Variants in KCNT1 observed in about 807,000 individuals in gnomAD.
The protein encoded by KCNT1 is potassium channel subfamily T member 1.
Under a neutral mutation model 147.8 loss-of-function variants are expected in KCNT1, and 78 were observed. The ratio of observed to expected loss-of-function variants is 0.53; its 90% CI spans 0.44 to 0.64. KCNT1 has a LOEUF of 0.64. Among genes scored for constraint, KCNT1 ranks in the 30% least tolerant of loss-of-function variants. The probability of loss-of-function intolerance (pLI) is 0.00; values close to 1 mark genes in which losing one functional copy is unlikely to be tolerated. For synonymous variants in KCNT1, 867 were observed against 748.8 expected (o/e 1.16, Z -2.58); for missense variants, 1,419 against 1,750.3 (o/e 0.81, Z 3.38).
At chr9:135,780,281 G>A (rs913620539) in intron 24 of KCNT1, among the ~76,000 whole-genome samples, 16 of 152,200 alleles carry the variant, frequency 1.1e-4, no homozygotes, top group Non-Finnish European at 2.2e-4. Flanking sequence ...CACGAACCCC[G>A]AGCTCACCGG....
intron 11 of KCNT1, among the ~76,000 whole-genome samples, chr9:135,763,285 T>C (rs10115785): frequency 0.54 from 82,529 of 152,124 alleles, 23,068 homozygotes; most frequent in African/African-American, 0.62. Flanking sequence ...ATGGTAAGGG[T>C]GGGCTGCAGT....
Position 135,714,854 on chromosome 9 carries a change from C to A in KCNT1, c.254+134C>A. The stretch of plus-strand genomic sequence containing the variant: ...GGCGCCCTTCAACTTTTCCCGGCTT[C>A]TGGGGACGCAGAAGTTTCGGAGGGG... On this transcript the variant is annotated intron_variant, in intron 2 of 30. Coordinates refer to ENST00000371757, the MANE Select transcript of KCNT1 (RefSeq NM_020822.3). The surrounding 1 kb of genome is among the most constrained non-coding windows in gnomAD (Gnocchi z 6.2). 1 of 567,592 alleles carries A rather than the reference C, an allele frequency of 1.8e-6. No individual in the cohort carries two copies. The allele number at this position is 567,592 out of a possible 1,614,324, so 35.2% of individuals were successfully genotyped here. A position where few individuals can be genotyped will look rare whatever the true frequency, so the allele number is the denominator to read the frequency against.
chr9:135,783,883 GAC>G lies in KCNT1; in HGVS notation c.2842-132_2842-131del, dbSNP rs540571734. On this transcript the variant is annotated intron_variant, in intron 24 of 30. Transcript: ENST00000371757. ...TGCAGACACACACTGTGTACACGTG[GAC>G]ACACACACCATGCACAAATGTGCAC... The G allele has an allele frequency of 6.8e-4, 455 of 667,580 alleles. 12 individuals are homozygous for G. The Admixed American group carries it at 9.1e-3, about 13-fold the overall frequency. 41.4% of individuals were successfully genotyped at this position (667,580 alleles called of 1,614,324 possible). A position where few individuals can be genotyped will look rare whatever the true frequency, so the allele number is the denominator to read the frequency against.
intron 1 of KCNT1, among the ~76,000 whole-genome samples, chr9:135,704,686 C>CA (rs1835175613): frequency 6.6e-6 from 1 of 152,230 alleles, no homozygotes; most frequent in Non-Finnish European, 1.5e-5. Context: ...AGCTGTGCTC[C>CA]AGGGCGGGCC....
chr9:135,711,695 C>T lies in KCNT1; in HGVS notation c.111-2882C>T, dbSNP rs532164795. ...CCGTGCCCAGGTGTGGACTGCCTCGCTCATTCTTGGCCTCTCCAGATGGAT... is the reference window on the plus strand; with the variant it reads ...CCGTGCCCAGGTGTGGACTGCCTCGTTCATTCTTGGCCTCTCCAGATGGAT... On this transcript the variant is annotated intron_variant, in intron 1 of 30. Coordinates refer to ENST00000371757, the MANE Select transcript of KCNT1 (RefSeq NM_020822.3). 4.3e-4 allele frequency among the ~76,000 whole-genome samples: 65 copies of T among 152,344 alleles called. No homozygotes were observed. The East Asian group carries it at 0.012, about 28-fold the overall frequency.
intron 4 of KCNT1, among the ~76,000 whole-genome samples, chr9:135,753,510 C>T (rs1315372542): frequency 1.3e-5 from 2 of 152,298 alleles, no homozygotes; most frequent in Middle Eastern, 3.4e-3. Context: ...GAACACTGTC[C>T]AGCCTTGTTC....
At chr9:135,736,826 G>A in intron 2 of KCNT1, 1 of 356,286 alleles carries the variant, frequency 2.8e-6, no homozygotes, top group Non-Finnish European at 5.0e-6. Context: ...TTGTCAAATC[G>A]CGCTTGCATC....
intron 2 of KCNT1, among the ~76,000 whole-genome samples, chr9:135,724,001 C>G (rs535743145): frequency 6.6e-6 from 1 of 152,346 alleles, no homozygotes; most frequent in African/African-American, 2.4e-5. Flanking sequence ...CCGTCTCTTC[C>G]TCTCCAGGTT....
rs1834693101 is a variant in KCNT1 at position 135,793,614 on chromosome 9, G to A, written c.*1453G>A. On this transcript the variant is annotated 3_prime_UTR_variant, in exon 31 of 31. Coordinates refer to ENST00000371757, the MANE Select transcript of KCNT1 (RefSeq NM_020822.3). ...GAGGCTGAAGGGGAAGGACCAAAAG[G>A]CCGAGGTGCAGCCCCTCCCCGGTGT... 6.6e-6 allele frequency: 1 copy of A among 152,386 alleles called. No individual in the cohort carries two copies. Among genetic ancestry groups the A allele is most frequent in the Non-Finnish European group, 1.5e-5 (1 of 68,162 alleles). 9.4% of individuals were successfully genotyped at this position (152,386 alleles called of 1,614,324 possible). A position where few individuals can be genotyped will look rare whatever the true frequency, so the allele number is the denominator to read the frequency against.
At position 135,792,257 on chromosome 9, in the gene KCNT1, G is replaced by C. The variant is rs1017271873; in HGVS notation, c.*96G>C. On this transcript the variant is annotated 3_prime_UTR_variant, in exon 31 of 31. Transcript: ENST00000371757. ...ACACGGTGGCACTAGCGTGACCCTG[G>C]GGATGGCACACTCTACTCACCATGG... is the stretch of plus-strand genomic sequence containing the variant. 6 of 1,417,632 alleles carry C rather than the reference G, an allele frequency of 4.2e-6. No homozygotes were observed. The highest frequency in any genetic ancestry group is 5.7e-6 in the Non-Finnish European group (6 of 1,058,818). 87.8% of individuals were successfully genotyped at this position (1,417,632 alleles called of 1,614,324 possible).
intron 11 of KCNT1, among the ~76,000 whole-genome samples, chr9:135,760,239 A>AC (rs1831825962): frequency 6.6e-6 from 1 of 152,196 alleles, no homozygotes; most frequent in East Asian, 1.9e-4. Context: ...CACAGGGGGC[A>AC]CACCCCCCCG....
chr9:135,779,323 C>A, intron 23 of KCNT1, 36 bp from the exon 24 acceptor site: 1 of 1,391,414 alleles, frequency 7.2e-7, no homozygotes, highest in Non-Finnish European at 1.0e-6. Context: ...CCTACAACCA[C>A]CATGGGCCCC....
rs149383208 is a variant in KCNT1, at chr9:135,702,258, C to A, written c.-1C>A. ...GGGTCGGGTCCGAGCTGCCAGGCCG[C>A]ATGCCACTCCCTGACGGGGCGCGGA... On this transcript the variant is annotated 5_prime_UTR_variant, in exon 1 of 31. Transcript: ENST00000371757. 105 of 1,606,658 alleles carry A rather than the reference C, an allele frequency of 6.5e-5. No individual in the cohort carries two copies. The African/African-American group carries it at 1.4e-3, about 21-fold the overall frequency.
At chr9:135,760,020 C>G (rs551207117) in intron 11 of KCNT1, among the ~76,000 whole-genome samples, 161 bp downstream of exon 11, 1 of 152,292 alleles carries the variant, frequency 6.6e-6, no homozygotes, top group African/African-American at 2.4e-5. Context: ...CACGCCCCCA[C>G]TGAGGGTCTA....
intron 2 of KCNT1, among the ~76,000 whole-genome samples, chr9:135,715,778 A>G (rs947375166): frequency 3.3e-5 from 5 of 152,172 alleles, no homozygotes; most frequent in African/African-American, 1.2e-4. Flanking sequence ...ATTTGTAAAA[A>G]GGGGGTCTTA....
chr9:135,757,117 C>A, intron 7 of KCNT1, 39 bp from the exon 8 acceptor site: 1 of 1,391,746 alleles, frequency 7.2e-7, no homozygotes, highest in Non-Finnish European at 1.0e-6. Context: ...CCACCCCCAC[C>A]CTCCATCGCC....
At chr9:135,742,296 G>GC (rs1554767437) in intron 2 of KCNT1, among the ~76,000 whole-genome samples, 1 of 152,232 alleles carries the variant, frequency 6.6e-6, no homozygotes, top group Non-Finnish European at 1.5e-5. Flanking sequence ...AGCTCACCGC[G>GC]CTCGCTTCTG....
intron 1 of KCNT1, 89 bp downstream of exon 1, chr9:135,702,457 G>C: frequency 9.4e-7 from 1 of 1,058,808 alleles, no homozygotes; most frequent in South Asian, 1.4e-5. Context: ...CACCCTCCAG[G>C]ACCCGCCATT....
intron 29 of KCNT1, among the ~76,000 whole-genome samples, chr9:135,787,129 G>A (rs1834118337): frequency 6.6e-6 from 1 of 152,358 alleles, no homozygotes; most frequent in South Asian, 2.1e-4. Context: ...GCCCATGCCA[G>A]GACATGCCTC....
Sources: allele counts gnomAD v4.1 joint callset (sites outside exome capture counted in the v4.1 genomes callset), GRCh38; gene constraint gnomAD v4.1.1; non-coding constraint Gnocchi (gnomAD v3.1); transcripts MANE v1.5; gene names NCBI Gene and HGNC (gene_info 2026-07-23, HGNC 2026-07-21).